The following PACS1 variants were observed in gnomAD, a reference collection of about 807,000 sequenced individuals.
PACS1 encodes phosphofurin acidic cluster sorting protein 1.
A neutral mutation model predicts 115.0 loss-of-function variants in PACS1; 24 were observed. The ratio of observed to expected loss-of-function variants is 0.21; its 90% CI spans 0.15 to 0.29. The LOEUF (loss-of-function observed/expected upper bound fraction) is 0.29, where lower values mean the gene tolerates loss of function less well. PACS1 is among the 10% of genes least tolerant of loss of function. PACS1 has a pLI of 1.00. For synonymous variants in PACS1, 453 were observed against 504.5 expected, an observed-to-expected ratio of 0.90 and a Z score of 1.37; for missense variants, 838 against 1,251.2, an observed-to-expected ratio of 0.67 and a Z score of 4.98.
At chr11:66,080,087 G>A (rs1219369192) in intron 1 of PACS1, among the ~76,000 whole-genome samples, 1 of 152,166 alleles carries the variant, frequency 6.6e-6, no homozygotes, top group African/African-American at 2.4e-5. Context: ...AAATAATCTT[G>A]TTCCTTTATT....
intron 19 of PACS1, 138 bp from the exon 20 acceptor site, chr11:66,238,666 C>G (rs1235178887): frequency 1.1e-5 from 9 of 827,158 alleles, no homozygotes; most frequent in Non-Finnish European, 1.8e-5. Context: ...ACGCCCAGCC[C>G]AGATTTGCAA....
chr11:66,171,705 G>A (rs1859742382), intron 1 of PACS1, among the ~76,000 whole-genome samples: 1 of 149,690 alleles, frequency 6.7e-6, no homozygotes, highest in Non-Finnish European at 1.5e-5. Flanking sequence ...TCAGCCTCCC[G>A]AGTAGCTGGG....
intron 1 of PACS1, among the ~76,000 whole-genome samples, chr11:66,126,732 T>C (rs889242081): frequency 6.6e-6 from 1 of 152,184 alleles, no homozygotes; most frequent in Non-Finnish European, 1.5e-5. Context: ...TTGGCAGTTA[T>C]GCTGTTTGTA....
chr11:66,160,379 T>C (rs1173936445), intron 1 of PACS1, among the ~76,000 whole-genome samples: 1 of 152,222 alleles, frequency 6.6e-6, no homozygotes, highest in African/African-American at 2.4e-5. Flanking sequence ...ATCTGGCTTA[T>C]AGTGTTATAT....
At position 66,243,348 on chromosome 11, in the gene PACS1, G is replaced by A. The variant is rs1387114133; in HGVS notation, c.*68G>A. 9.2e-7 allele frequency: 1 copy of A among 1,083,810 alleles called. No individual in the cohort carries two copies. The highest frequency in any genetic ancestry group is 1.6e-5 in the African/African-American group (1 of 64,384). The allele number at this position is 1,083,810 out of a possible 1,614,324, so 67.1% of individuals were successfully genotyped here. On this transcript the variant is annotated 3_prime_UTR_variant, in exon 24 of 24. Transcript: ENST00000320580. ...GCCTCACCGCCTGCGGGCAGGGGGA[G>A]GCCAGCAGGCCCGGGCCCAGCACCC... is the stretch of plus-strand genomic sequence containing the variant.
chr11:66,087,994 G>A (rs1018109276), intron 1 of PACS1, among the ~76,000 whole-genome samples: 6 of 151,918 alleles, frequency 3.9e-5, no homozygotes, highest in Non-Finnish European at 8.8e-5. Flanking sequence ...ATGATGTTGA[G>A]CACCTTTTCA....
At chr11:66,180,925 C>G (rs867429305) in intron 1 of PACS1, among the ~76,000 whole-genome samples, 3 of 152,330 alleles carry the variant, frequency 2.0e-5, no homozygotes, top group Middle Eastern at 3.4e-3. Flanking sequence ...TCCCAAAGTG[C>G]TGGGATTGCA....
chr11:66,187,686 A>G (rs544476073), intron 1 of PACS1, among the ~76,000 whole-genome samples: 2 of 152,102 alleles, frequency 1.3e-5, no homozygotes, highest in East Asian at 1.9e-4. Context: ...TGCACACCAC[A>G]TTTTCTTTAT....
chr11:66,232,873 C>T (rs913397047), intron 14 of PACS1, 87 bp from the exon 15 acceptor site: 64 of 962,738 alleles, frequency 6.6e-5, no homozygotes, highest in African/African-American at 1.3e-4. Flanking sequence ...CCCTGCAGCT[C>T]GGTCTGGGTC....
intron 1 of PACS1, among the ~76,000 whole-genome samples, chr11:66,189,086 TAAAAG>T (rs1854457199): frequency 6.6e-6 from 1 of 152,116 alleles, no homozygotes; most frequent in Admixed American, 6.6e-5. Context: ...CTGTGAAACT[TAAAAG>T]AGATAATGAA....
chr11:66,182,953 A>G (rs1860041472), intron 1 of PACS1, among the ~76,000 whole-genome samples: 1 of 152,086 alleles, frequency 6.6e-6, no homozygotes, highest in African/African-American at 2.4e-5. Context: ...AACATGGTGA[A>G]ACCTCGTCTC....
intron 1 of PACS1, among the ~76,000 whole-genome samples, chr11:66,153,703 C>G (rs1445470742): frequency 6.6e-6 from 1 of 152,120 alleles, no homozygotes; most frequent in Non-Finnish European, 1.5e-5. Context: ...ATGGCGTGAA[C>G]CCGGGAGACG....
chr11:66,115,992 T>G (rs1428988518), intron 1 of PACS1, among the ~76,000 whole-genome samples: 1 of 152,240 alleles, frequency 6.6e-6, no homozygotes, highest in Non-Finnish European at 1.5e-5. Flanking sequence ...TAACTTATTG[T>G]GATTAAGATG....
chr11:66,078,350 G>A (rs1857429109), intron 1 of PACS1, among the ~76,000 whole-genome samples: 1 of 152,158 alleles, frequency 6.6e-6, no homozygotes, highest in South Asian at 2.1e-4. Context: ...GCTCCCTACT[G>A]TAACACCTGT....
intron 19 of PACS1, among the ~76,000 whole-genome samples, chr11:66,237,251 G>A (rs1016014802): frequency 2.0e-5 from 3 of 151,910 alleles, no homozygotes; most frequent in African/African-American, 7.3e-5. Flanking sequence ...CTGCTGAGAT[G>A]GCATTTCGCC....
chr11:66,150,788 A>G (rs1460154377), intron 1 of PACS1, among the ~76,000 whole-genome samples: 2 of 152,222 alleles, frequency 1.3e-5, no homozygotes, highest in African/African-American at 2.4e-5. Context: ...TCTGGGTAAA[A>G]TATAAGAAAC....
At chr11:66,163,350 C>CAAAAAAAA (rs1231541629) in intron 1 of PACS1, among the ~76,000 whole-genome samples, 1 of 58,018 alleles carries the variant, frequency 1.7e-5, no homozygotes, top group Non-Finnish European at 4.0e-5. Flanking sequence ...GACCCTGTCT[C>CAAAAAAAA]AAAAAAAAAA....
intron 2 of PACS1, among the ~76,000 whole-genome samples, chr11:66,209,189 C>T (rs560169670): frequency 2.2e-4 from 34 of 151,512 alleles, no homozygotes; most frequent in African/African-American, 8.0e-4. Context: ...GAGTTGGTTA[C>T]TTGTGTTCAG....
At chr11:66,178,030 G>A (rs1198360552) in intron 1 of PACS1, among the ~76,000 whole-genome samples, 1 of 151,694 alleles carries the variant, frequency 6.6e-6, no homozygotes, top group East Asian at 1.9e-4. Flanking sequence ...TTTCCAGAGA[G>A]TTGAACCAAT....
Sources: allele counts gnomAD v4.1 joint callset (sites outside exome capture counted in the v4.1 genomes callset), GRCh38; gene constraint gnomAD v4.1.1; transcripts MANE v1.5; gene names NCBI Gene and HGNC (gene_info 2026-07-23, HGNC 2026-07-21).